Variants in ABCA3 observed in about 807,000 individuals in gnomAD.
ABCA3 encodes ATP binding cassette subfamily A member 3.
In ABCA3, 88 loss-of-function variants were observed where a neutral mutation model predicts 172.8. The ratio of observed to expected loss-of-function variants is 0.51; its 90% CI spans 0.43 to 0.61. ABCA3 has a LOEUF of 0.61. Ranked by LOEUF, ABCA3 falls within the 20% of genes least tolerant of loss-of-function variation. The pLI is 0.00. For synonymous variants in ABCA3, 1,066 were observed against 983.8 expected, an observed-to-expected ratio of 1.08 and a Z score of -1.56; for missense variants, 2,164 against 2,301.0, an observed-to-expected ratio of 0.94 and a Z score of 1.22.
intron 10 of ABCA3, 52 bp from the exon 11 acceptor site, chr16:2,308,675 G>C (rs755248287): frequency 4.4e-6 from 7 of 1,607,592 alleles, no homozygotes; most frequent in East Asian, 4.5e-5. Flanking sequence ...CCTCAAAAGG[G>C]GCTTGGGCTC....
In ABCA3 at chr16:2,283,517, G is replaced by C; in HGVS notation, c.3863-159C>G. The stretch of plus-strand genomic sequence containing the variant: ...GGCCAGTAGGTCACAGCTGCCTCTC[G>C]AGGCACCACAGCTCAGAGAGGGGCC... On this transcript the variant is annotated intron_variant, in intron 25 of 32. Transcript: ENST00000301732. This position sits in a 1 kb window ranked among gnomAD's most constrained non-coding sequence, Gnocchi z 5.4. The C allele has an allele frequency of 2.6e-6, 2 of 780,300 alleles. No individual in the cohort carries two copies. Among genetic ancestry groups the C allele is most frequent in the African/African-American group, 1.7e-5 (1 of 57,234 alleles). 48.3% of individuals were successfully genotyped at this position (780,300 alleles called of 1,614,324 possible).
Position 2,281,298 on chromosome 16 carries a change from A to C in ABCA3, c.4165-77T>G. 6.2e-7 allele frequency: 1 copy of C among 1,613,218 alleles called. No homozygotes were observed. On this transcript the variant is annotated intron_variant, in intron 27 of 32. Coordinates refer to ENST00000301732, the MANE Select transcript of ABCA3 (RefSeq NM_001089.3). The surrounding 1 kb of genome is among the most constrained non-coding windows in gnomAD (Gnocchi z 4.7). Reference sequence around the variant, plus strand: ...GAGCAGTCTGAGCCTCAGCGCCGAAAGCTTCCAGGGATGGGGTCGGACCCT... The same window carrying C: ...GAGCAGTCTGAGCCTCAGCGCCGAACGCTTCCAGGGATGGGGTCGGACCCT...
chr16:2,310,423 C>A (rs1222469592), intron 10 of ABCA3, among the ~76,000 whole-genome samples: 11 of 144,932 alleles, frequency 7.6e-5, no homozygotes, highest in African/African-American at 2.3e-4. Context: ...AACAAACAAA[C>A]AAAAAAACAA....
intron 14 of ABCA3, 82 bp from the exon 15 acceptor site, chr16:2,298,622 C>CT: frequency 6.5e-7 from 1 of 1,530,916 alleles, no homozygotes; most frequent in Non-Finnish European, 8.8e-7. Context: ...CACCCCCTCT[C>CT]TGTCTCCCCT....
intron 7 of ABCA3, among the ~76,000 whole-genome samples, chr16:2,321,920 C>T (rs776897340): frequency 1.4e-4 from 22 of 152,144 alleles, no homozygotes; most frequent in Admixed American, 2.6e-4. Flanking sequence ...TGACGTACAG[C>T]CGGGTGTGGT....
chr16:2,307,016 C>CAAA (rs201661615), intron 11 of ABCA3, among the ~76,000 whole-genome samples: 226 of 65,940 alleles, frequency 3.4e-3, no homozygotes, highest in Non-Finnish European at 4.4e-3. Flanking sequence ...GACTCCGTCT[C>CAAA]AAAAAAAAAA....
chr16:2,304,047 A>G lies in ABCA3; in HGVS notation c.1389T>C (p.Tyr463=). 1.9e-6 allele frequency: 3 copies of G among 1,614,188 alleles called. No homozygotes were observed. The East Asian group carries it at 6.7e-5, about 36-fold the overall frequency. The change falls in exon 12 of 33, where the codon TAT becomes TAC. Residue 463 remains tyrosine, a synonymous_variant. Transcript: ENST00000301732. ...LGMLLLDSVL[Y]GLVTWYMEAV... is the part of the protein sequence containing the mutation. ...CCTCCATGTACCAGGTCACCAGGCC[A>G]TAGAGCACAGAGTCCAGCAGCAGCA...
rs187851176 is a variant in ABCA3 at position 2,321,239 on chromosome 16, T to C, written c.614-1399A>G. On this transcript the variant is annotated intron_variant, in intron 7 of 32. Coordinates refer to ENST00000301732, the MANE Select transcript of ABCA3 (RefSeq NM_001089.3). The stretch of plus-strand genomic sequence containing the variant: ...ATCATGTGTGACAGCTGGACATAGC[T>C]TCTCCTGAGCTCCAGGCTGGGTGAC... Among the ~76,000 whole-genome samples the C allele has an allele frequency of 1.2e-4, 18 of 152,320 alleles. No individual in the cohort carries two copies. In the East Asian group the frequency reaches 2.1e-3, roughly 18 times the overall value.
Position 2,283,155 on chromosome 16 carries a change from G to A in ABCA3, c.4035+31C>T, listed in dbSNP as rs374829878. The stretch of plus-strand genomic sequence containing the variant: ...CAAGCAGAGACGTGGGGAGCATCTC[G>A]CCAGTGTCCTGGGCTCCCGGAGCCA... On this transcript the variant is annotated intron_variant, in intron 26 of 32. Transcript: ENST00000301732. This position sits in a 1 kb window ranked among gnomAD's most constrained non-coding sequence, Gnocchi z 5.4. 234 of 1,606,966 alleles carry A rather than the reference G, an allele frequency of 1.5e-4. 1 individual carries two copies. The African/African-American group carries it at 2.5e-3, about 17-fold the overall frequency.
At chr16:2,337,599 G>A (rs1270086291) in intron 1 of ABCA3, among the ~76,000 whole-genome samples, 1 of 145,482 alleles carries the variant, frequency 6.9e-6, no homozygotes, top group Admixed American at 6.9e-5. Flanking sequence ...TGCCCAGGCT[G>A]TTCTTCCAAC....
chr16:2,301,224 C>G (rs1435342754), intron 12 of ABCA3, among the ~76,000 whole-genome samples: 2 of 147,852 alleles, frequency 1.4e-5, no homozygotes, highest in African/African-American at 5.2e-5. Context: ...GAGCGAGACT[C>G]CGTCTCAAAA....
intron 10 of ABCA3, among the ~76,000 whole-genome samples, chr16:2,316,337 A>G (rs1181386138): frequency 7.1e-6 from 1 of 140,662 alleles, no homozygotes; most frequent in African/African-American, 2.8e-5. Context: ...AAAAGAAAAG[A>G]AAAAAAGAAA....
At chr16:2,296,966 C>G (rs576794358) in intron 17 of ABCA3, among the ~76,000 whole-genome samples, 1 of 152,328 alleles carries the variant, frequency 6.6e-6, no homozygotes, top group East Asian at 1.9e-4. Flanking sequence ...GGCCCAGATC[C>G]TGTCAGCCCC....
chr16:2,326,352 G>T, intron 4 of ABCA3, 61 bp downstream of exon 4: 1 of 1,611,686 alleles, frequency 6.2e-7, no homozygotes, highest in East Asian at 2.2e-5. Context: ...TCCCTCAAGG[G>T]CATCCCCAGG....
chr16:2,317,247 T>C lies in ABCA3; in HGVS notation c.1111+36A>G, dbSNP rs749809477. On this transcript the variant is annotated intron_variant, in intron 10 of 32. Transcript: ENST00000301732. ...TTCCATGCAGATGGCCCTTGGCCCC[T>C]TGGCAACCCCACTCTGCCCCATGAC... The C allele has an allele frequency of 3.1e-6, 5 of 1,612,880 alleles. No homozygotes were observed. In the East Asian group the frequency reaches 1.1e-4, roughly 36 times the overall value.
In ABCA3 at chr16:2,289,504, G is replaced by A; in HGVS notation, c.2630C>T (p.Ala877Val). The A allele has an allele frequency of 6.3e-7, 1 of 1,590,614 alleles. No homozygotes were observed. The highest frequency in any genetic ancestry group is 1.3e-5 in the African/African-American group (1 of 74,896). Reference sequence around the variant, plus strand: ...TCCAATGCCGTCGGAGGGGTCCATGGCCCCACAGAGGTTGCTGTCCACAGC... The same window carrying A: ...TCCAATGCCGTCGGAGGGGTCCATGACCCCACAGAGGTTGCTGTCCACAGC... ...DWAVDSNLCG[A>V]MDPSDGIGAL... Residue 877 changes from alanine (A) to valine (V), a missense_variant, in exon 20 of 33, where the codon GCC becomes GTC. Ala to Val is a moderately conservative substitution (Grantham distance 64). Around this residue, in one of 3 missense-constraint regions of ABCA3, gnomAD observed 1,343 missense variants for 1,369.6 expected, o/e 0.98. Transcript: ENST00000301732.
chr16:2,322,350 G>A (rs2093727362), intron 7 of ABCA3, among the ~76,000 whole-genome samples: 1 of 151,842 alleles, frequency 6.6e-6, no homozygotes, highest in South Asian at 2.1e-4. Context: ...CTATAAACAA[G>A]AGTAAATGTT....
chr16:2,299,624 A>G (rs544831946), intron 13 of ABCA3, 92 bp from the exon 14 acceptor site: 11 of 1,586,432 alleles, frequency 6.9e-6, no homozygotes, highest in African/African-American at 2.7e-5. Flanking sequence ...CCGTCTCAGA[A>G]GGAACCAAGC....
At chr16:2,335,797 G>C (rs566744344) in intron 1 of ABCA3, among the ~76,000 whole-genome samples, 5 of 152,284 alleles carry the variant, frequency 3.3e-5, no homozygotes, top group African/African-American at 9.6e-5. Context: ...AAAAACTCAA[G>C]ACCCTTAAAT....
Sources: gnomAD v4.1 joint callset for allele counts (sites outside exome capture counted in the v4.1 genomes callset) on GRCh38, gnomAD v4.1.1 for gene constraint, gnomAD v4.1.1 regional missense constraint, Gnocchi (gnomAD v3.1) non-coding constraint, MANE v1.5 for transcripts, NCBI Gene and HGNC (gene_info 2026-07-23, HGNC 2026-07-21) for gene names.